Variants in VRK3 observed in about 807,000 individuals in gnomAD.
The protein encoded by VRK3 is VRK serine/threonine kinase 3, also known as serine/threonine-protein kinase VRK3.
In VRK3, 50 loss-of-function variants were observed where a neutral mutation model predicts 60.4. The observed-to-expected ratio is 0.83, with a 90% CI of 0.66 to 1.05. The LOEUF is 1.05. Among genes scored for constraint, VRK3 ranks in the 50% least tolerant of loss-of-function variants. The pLI is 0.00. For synonymous variants in VRK3, 246 were observed against 227.8 expected (o/e 1.08, Z -0.72); for missense variants, 549 against 585.3 (o/e 0.94, Z 0.64).
chr19:49,979,010 T>C, intron 14 of VRK3, 73 bp downstream of exon 14: 2 of 1,472,002 alleles, frequency 1.4e-6, no homozygotes, highest in East Asian at 2.3e-5. Context: ...CTGGGAAGTG[T>C]CTCCTGGAGC....
chr19:50,015,437 T>C (rs1600719588), intron 3 of VRK3, among the ~76,000 whole-genome samples: 1 of 152,090 alleles, frequency 6.6e-6, no homozygotes, highest in African/African-American at 2.4e-5. Flanking sequence ...GACTCCCAAG[T>C]AGGTGGGATT....
intron 3 of VRK3, among the ~76,000 whole-genome samples, chr19:50,012,656 TG>T (rs1474213586): frequency 1.3e-5 from 2 of 151,988 alleles, no homozygotes; most frequent in East Asian, 3.9e-4. Flanking sequence ...CCCAACACTT[TG>T]GGAGGCCAGG....
chr19:49,995,372 C>T lies in VRK3; in HGVS notation c.680-97G>A, dbSNP rs531650829. ...GAGAAGAAGCACAGAGTGCCCAGAC[C>T]GCCTCCAAGTCTCCTTGTTGGAGGT... is the stretch of plus-strand genomic sequence containing the variant. On this transcript the variant is annotated intron_variant, in intron 7 of 14. Coordinates refer to ENST00000316763, the MANE Select transcript of VRK3 (RefSeq NM_016440.4). 3.5e-5 allele frequency: 38 copies of T among 1,087,630 alleles called. No homozygotes were observed. In the African/African-American group the frequency reaches 3.8e-4, roughly 11 times the overall value. 67.4% of individuals were successfully genotyped at this position (1,087,630 alleles called of 1,614,324 possible).
chr19:50,012,823 C>T (rs975665690), intron 3 of VRK3, among the ~76,000 whole-genome samples: 7 of 151,586 alleles, frequency 4.6e-5, no homozygotes, highest in East Asian at 3.9e-4. Context: ...TGCAGTGAGC[C>T]GAGATCGTGC....
At chr19:49,978,483 C>A (rs1012736082) in intron 14 of VRK3, 1 of 152,964 alleles carries the variant, frequency 6.5e-6, no homozygotes, top group Non-Finnish European at 1.5e-5. Flanking sequence ...TACCTCCATC[C>A]ACAGACAGCG....
At chr19:49,981,733 T>C in intron 12 of VRK3, 3 of 1,010,948 alleles carry the variant, frequency 3.0e-6, no homozygotes, top group Non-Finnish European at 3.5e-6. Context: ...TACTTACAGG[T>C]CCTGGGGGCA....
intron 5 of VRK3, among the ~76,000 whole-genome samples, chr19:50,001,977 C>A (rs948853680): frequency 2.0e-5 from 3 of 152,170 alleles, no homozygotes; most frequent in African/African-American, 7.2e-5. Flanking sequence ...CAGCCCAGAG[C>A]CCAGCACGGA....
chr19:50,016,676 T>C (rs1227074704), intron 2 of VRK3, among the ~76,000 whole-genome samples: 1 of 152,242 alleles, frequency 6.6e-6, no homozygotes. Flanking sequence ...TTTAGTAGAA[T>C]GATGAGTGTT....
chr19:50,016,876 T>C (rs11672168), intron 2 of VRK3, among the ~76,000 whole-genome samples: 18,335 of 140,668 alleles, frequency 0.13, 1,417 homozygotes, highest in East Asian at 0.3. Flanking sequence ...ATGGCAGTGC[T>C]ATTTGTAACG....
At chr19:49,981,070 A>G in intron 12 of VRK3, 57 bp from the exon 13 acceptor site, 1 of 1,499,624 alleles carries the variant, frequency 6.7e-7, no homozygotes, top group Non-Finnish European at 9.2e-7. Context: ...GCAACCTTTT[A>G]AAACAGAATG....
At chr19:50,015,451 G>A (rs1319226916) in intron 3 of VRK3, among the ~76,000 whole-genome samples, 4 of 152,062 alleles carry the variant, frequency 2.6e-5, no homozygotes, top group Non-Finnish European at 5.9e-5. Flanking sequence ...TGGGATTACA[G>A]GCATGCGCCA....
At chr19:50,006,422 A>T (rs1168677826) in intron 5 of VRK3, among the ~76,000 whole-genome samples, 1 of 151,298 alleles carries the variant, frequency 6.6e-6, no homozygotes, top group Non-Finnish European at 1.5e-5. Context: ...GTCACCCAGG[A>T]TGGAGTGCAG....
At chr19:50,000,313 G>A (rs2076780756) in intron 6 of VRK3, 1 of 168,090 alleles carries the variant, frequency 5.9e-6, no homozygotes, top group Non-Finnish European at 1.3e-5. Flanking sequence ...CACATGTCCT[G>A]TCTGCTGAGA....
intron 2 of VRK3, among the ~76,000 whole-genome samples, chr19:50,018,444 T>C (rs538356127): frequency 1.3e-5 from 2 of 152,324 alleles, no homozygotes; most frequent in African/African-American, 4.8e-5. Context: ...CCCCATCAGC[T>C]GGTGAAAGAA....
At position 49,997,545 on chromosome 19, in the gene VRK3, T is replaced by C. The variant is rs747726615; in HGVS notation, c.638A>G (p.Asn213Ser). ...GGCCCGCTGGAAGAAGTTCTGCTCA[T>C]TGAACAAGCGCCCATCCTTGGCATC... ...KLDAKDGRLF[N>S]EQNFFQRAAK... is the part of the protein sequence containing the mutation. The change falls in exon 7 of 15, where the codon AAT becomes AGT. Residue 213 changes from asparagine (N) to serine (S), a missense_variant. Asn to Ser is a conservative substitution (Grantham distance 46). Coordinates refer to ENST00000316763, the MANE Select transcript of VRK3 (RefSeq NM_016440.4). 1.2e-5 allele frequency: 20 copies of C among 1,613,882 alleles called. No individual in the cohort carries two copies. The highest frequency in any genetic ancestry group is 1.1e-4 in the East Asian group (5 of 44,880).
chr19:49,980,598 C>A (rs1474200472), intron 13 of VRK3, among the ~76,000 whole-genome samples: 2 of 151,798 alleles, frequency 1.3e-5, no homozygotes, highest in East Asian at 3.9e-4. Flanking sequence ...ACGCCTATAA[C>A]CCCAGCTACT....
intron 1 of VRK3, among the ~76,000 whole-genome samples, chr19:50,023,533 T>C (rs61314937): frequency 0.12 from 18,440 of 152,230 alleles, 1,430 homozygotes; most frequent in East Asian, 0.29. Flanking sequence ...TTGCTTTATT[T>C]TTCTTCACAG....
chr19:49,988,406 G>T lies in VRK3; in HGVS notation c.1183C>A (p.Pro395Thr), dbSNP rs1168492115. The T allele has an allele frequency of 3.1e-6, 5 of 1,613,340 alleles. No individual in the cohort carries two copies. The highest frequency in any genetic ancestry group is 4.2e-6 in the Non-Finnish European group (5 of 1,179,612). ...TGCTTCATGATGTCCTCAGTGTTGG[G>T]AAGGCAATTTGTCCATGGCAGAAAC... ...YGFLPWTNCL[P>T]NTEDIMKQKQ... The change falls in exon 12 of 15, where the codon CCC becomes ACC. Residue 395 changes from proline (P) to threonine (T), a missense_variant. By Grantham distance (38) the Pro-to-Thr change is conservative (BLOSUM62 -1). Coordinates refer to ENST00000316763, the MANE Select transcript of VRK3 (RefSeq NM_016440.4).
chr19:49,980,752 A>G (rs1160984383), intron 13 of VRK3, among the ~76,000 whole-genome samples: 1 of 150,840 alleles, frequency 6.6e-6, no homozygotes, highest in African/African-American at 2.5e-5. Flanking sequence ...GTCTTCAAAA[A>G]AAAGTTGTGT....
Sources: gnomAD v4.1 joint callset for allele counts (sites outside exome capture counted in the v4.1 genomes callset) on GRCh38, gnomAD v4.1.1 for gene constraint, MANE v1.5 for transcripts, NCBI Gene and HGNC (gene_info 2026-07-23, HGNC 2026-07-21) for gene names.